HABP2: variants seen among roughly 807,000 people sequenced by gnomAD.
The protein encoded by HABP2 is hyaluronan binding protein 2.
A neutral mutation model predicts 66.5 loss-of-function variants in HABP2; 65 were observed. That is an observed-to-expected ratio of 0.98 (90% CI 0.80 to 1.20). The LOEUF (loss-of-function observed/expected upper bound fraction) is 1.20, where lower values mean the gene tolerates loss of function less well. Ranked by LOEUF, HABP2 falls within the 50% of genes most tolerant of loss-of-function variation. The probability of loss-of-function intolerance (pLI) is 0.00; values close to 1 mark genes in which losing one functional copy is unlikely to be tolerated. For synonymous variants in HABP2, 263 were observed against 253.9 expected, an observed-to-expected ratio of 1.04 and a Z score of -0.34; for missense variants, 786 against 691.0, an observed-to-expected ratio of 1.14 and a Z score of -1.54.
chr10:113,582,386 A>C lies in HABP2; in HGVS notation c.1094+255A>C, dbSNP rs545465702. ...GAAGACAAGCTGAGGAAGGTCAGGG[A>C]TTTTTATCTGTTTTATTAACTGTAG... On this transcript the variant is annotated intron_variant, in intron 9 of 12. Transcript: ENST00000351270. Among the ~76,000 whole-genome samples, 13 of 152,296 alleles carry C rather than the reference A, an allele frequency of 8.5e-5. No homozygotes were observed. In the South Asian group the frequency reaches 2.3e-3, roughly 27 times the overall value.
Position 113,584,596 on chromosome 10 carries a change from A to G in HABP2, c.1372+314A>G, listed in dbSNP as rs11196386. On this transcript the variant is annotated intron_variant, in intron 11 of 12. Transcript: ENST00000351270. The stretch of plus-strand genomic sequence containing the variant: ...AGATTGGAAAGAGGAAAGATCATGG[A>G]TTTTTGAGTCAGACAGACTGGTATT... 0.19 allele frequency among the ~76,000 whole-genome samples: 28,748 copies of G among 152,198 alleles called. 2,884 individuals carry two copies. Among genetic ancestry groups the G allele is most frequent in the Admixed American group, 0.29 (4,405 of 15,280 alleles).
At chr10:113,584,673 A>G (rs1177740519) in intron 11 of HABP2, among the ~76,000 whole-genome samples, 1 of 152,226 alleles carries the variant, frequency 6.6e-6, no homozygotes, top group Non-Finnish European at 1.5e-5. Context: ...CTCAATAATC[A>G]TACTTACTTC....
Position 113,573,094 on chromosome 10 carries a change from C to A in HABP2, c.107-1195C>A, listed in dbSNP as rs11575738. On this transcript the variant is annotated intron_variant, in intron 2 of 12. Transcript: ENST00000351270. ...GTCAGCTATCTGCATTTGCTCGCGC[C>A]TCATTATCATATGCATCTCTGGACA... Among the ~76,000 whole-genome samples, 1,282 of 152,292 alleles carry A rather than the reference C, an allele frequency of 8.4e-3. 27 individuals carry two copies. The highest frequency in any genetic ancestry group is 0.03 in the African/African-American group (1,227 of 41,546).
chr10:113,568,261 C>A (rs894066778), intron 2 of HABP2, among the ~76,000 whole-genome samples: 1 of 152,274 alleles, frequency 6.6e-6, no homozygotes, highest in African/African-American at 2.4e-5. Flanking sequence ...GCCACTCCAT[C>A]TGGCCAGAGG....
intron 12 of HABP2, among the ~76,000 whole-genome samples, chr10:113,587,635 A>G (rs1322301802): frequency 1.3e-5 from 2 of 152,118 alleles, no homozygotes; most frequent in African/African-American, 4.8e-5. Flanking sequence ...TCTTCTCCTC[A>G]CCATCATCAT....
At chr10:113,586,640 A>G (rs775602080) in intron 12 of HABP2, among the ~76,000 whole-genome samples, 1 of 152,068 alleles carries the variant, frequency 6.6e-6, no homozygotes, top group African/African-American at 2.4e-5. Context: ...CCCTGCCCCA[A>G]GTCAAAGCCC....
upstream of HABP2, among the ~76,000 whole-genome samples, chr10:113,552,027 T>C (rs1222247955): frequency 6.6e-6 from 1 of 152,084 alleles, no homozygotes; most frequent in Non-Finnish European, 1.5e-5. Flanking sequence ...CCTTCAAGGC[T>C]CATCTGGTGA....
chr10:113,575,354 A>C (rs1845389309), intron 3 of HABP2, among the ~76,000 whole-genome samples: 1 of 152,358 alleles, frequency 6.6e-6, no homozygotes, highest in Admixed American at 6.5e-5. Context: ...AGTTGAAGAA[A>C]GATGAAGGCC....
chr10:113,587,628 TCTC>T (rs1165452909), intron 12 of HABP2, among the ~76,000 whole-genome samples: 3 of 152,310 alleles, frequency 2.0e-5, no homozygotes, highest in Non-Finnish European at 2.9e-5. Flanking sequence ...AATGTCTTCT[TCTC>T]CTCACCATCA....
In HABP2 at chr10:113,577,384, C is replaced by A. The variant is rs534702377; in HGVS notation, c.448+118C>A. On this transcript the variant is annotated intron_variant, in intron 5 of 12. Transcript: ENST00000351270. ...TTTGTGGCAGGCACCCAAGATGGTC[C>A]TTTTCCCTAGGCTTTCTAAAGATTC... The A allele has an allele frequency of 2.7e-4, 185 of 696,056 alleles. No homozygotes were observed. In the African/African-American group the frequency reaches 3.1e-3, roughly 12 times the overall value. The allele number at this position is 696,056 out of a possible 1,614,324, so 43.1% of individuals were successfully genotyped here.
chr10:113,584,242 G>A lies in HABP2; in HGVS notation c.1332G>A (p.Gly444=). 1 of 1,614,000 alleles carries A rather than the reference G, an allele frequency of 6.2e-7. No homozygotes were observed. Among genetic ancestry groups the A allele is most frequent in the Non-Finnish European group, 8.5e-7 (1 of 1,179,838 alleles). ...TGCCTGATGGGTCCTTTCCCTCTGG[G>A]AGTGAGTGCCACATCTCTGGCTGGG... ...VCLPDGSFPS[G]SECHISGWGV... is the part of the protein sequence containing the mutation. Residue 444 remains glycine, a synonymous_variant, in exon 11 of 13, where the codon GGG becomes GGA. Coordinates refer to ENST00000351270, the MANE Select transcript of HABP2 (RefSeq NM_004132.5).
chr10:113,574,933 GTGTGTATGTGTGCATA>G (rs1845381895), intron 3 of HABP2, among the ~76,000 whole-genome samples: 1 of 152,100 alleles, frequency 6.6e-6, no homozygotes, highest in South Asian at 2.1e-4. Context: ...TAGATTGTGT[GTGTGTATGTGTGCATA>G]TGTGTGTGTG....
rs756712633 is a variant in HABP2, at chr10:113,581,917, A to G, written c.880A>G (p.Lys294Glu). 3 of 1,614,116 alleles carry G rather than the reference A, an allele frequency of 1.9e-6. No individual in the cohort carries two copies. The South Asian group carries it at 3.3e-5, about 18-fold the overall frequency. Residue 294 changes from lysine (K) to glutamate (E), a missense_variant, in exon 9 of 13, where the codon AAG becomes GAG. Coordinates refer to ENST00000351270, the MANE Select transcript of HABP2 (RefSeq NM_004132.5). The stretch of plus-strand genomic sequence containing the variant: ...GGAAAGCCCCACTGAGCCATCAACC[A>G]AGCTTCCGGGGTTTGACTCCTGTGG... ...PEESPTEPST[K>E]LPGFDSCGKT...
rs376983033 is a variant in HABP2, at chr10:113,588,419, C to T, written c.*50C>T. On this transcript the variant is annotated 3_prime_UTR_variant, in exon 13 of 13. Transcript: ENST00000351270. ...CCCACTCTCCTTGGCACCCTGACAC[C>T]GGGAGGCCTCATGGCCAACAATGGA... 1.1e-4 allele frequency: 161 copies of T among 1,474,236 alleles called. No individual in the cohort carries two copies. Among genetic ancestry groups the T allele is most frequent in the African/African-American group, 8.1e-4 (58 of 71,656 alleles). The allele number at this position is 1,474,236 out of a possible 1,614,324, so 91.3% of individuals were successfully genotyped here.
chr10:113,572,860 C>T (rs561697686), intron 2 of HABP2: 14 of 227,672 alleles, frequency 6.1e-5, no homozygotes, highest in Admixed American at 3.9e-4. Flanking sequence ...CCAGAGTTGG[C>T]GTATTCAAAA....
chr10:113,582,884 C>T (rs539440880), intron 9 of HABP2, among the ~76,000 whole-genome samples: 1 of 152,276 alleles, frequency 6.6e-6, no homozygotes, highest in South Asian at 2.1e-4. Flanking sequence ...AGGTGCTCCT[C>T]AAGAGAGGTC....
chr10:113,555,730 C>A (rs1385988919), intron 1 of HABP2, among the ~76,000 whole-genome samples: 4 of 152,166 alleles, frequency 2.6e-5, no homozygotes, highest in Non-Finnish European at 4.4e-5. Context: ...GAGCACCTGT[C>A]CAGCACAACC....
chr10:113,574,395 G>T lies in HABP2; in HGVS notation c.213G>T (p.Glu71Asp). ...HAENPDWYYT[E>D]DQADPCQPNP... ...AGAATCCTGACTGGTACTACACTGA[G>T]GACCAAGCTGGTAGGTACCAAATCT... Residue 71 changes from glutamate to aspartate, a missense_variant, in exon 3 of 13, where the codon GAG becomes GAT. By Grantham distance (45) the Glu-to-Asp change is conservative. Transcript: ENST00000351270. The T allele has an allele frequency of 2.0e-6, 3 of 1,505,354 alleles. No individual in the cohort carries two copies. Among genetic ancestry groups the T allele is most frequent in the Non-Finnish European group, 2.8e-6 (3 of 1,079,920 alleles). 93.2% of individuals were successfully genotyped at this position (1,505,354 alleles called of 1,614,324 possible). A position where few individuals can be genotyped will look rare whatever the true frequency, so the allele number is the denominator to read the frequency against.
Position 113,580,584 on chromosome 10 carries a change from TTG to T in HABP2, c.741-9_741-8del. 1 of 1,435,248 alleles carries T rather than the reference TTG, an allele frequency of 7.0e-7. No individual in the cohort carries two copies. Among genetic ancestry groups the T allele is most frequent in the Non-Finnish European group, 9.8e-7 (1 of 1,016,506 alleles). 88.9% of individuals were successfully genotyped at this position (1,435,248 alleles called of 1,614,324 possible). ...AGCCTTGACTCTGAGTTGTTTTGTTTTGTATTTTAGAAACCCAGATGCGGACG... is the reference window on the plus strand; with the variant it reads ...AGCCTTGACTCTGAGTTGTTTTGTTTTATTTTAGAAACCCAGATGCGGACG... On this transcript the variant is annotated splice_polypyrimidine_tract_variant and intron_variant, in intron 7 of 12. Coordinates refer to ENST00000351270, the MANE Select transcript of HABP2 (RefSeq NM_004132.5).
Sources: allele counts gnomAD v4.1 joint callset (sites outside exome capture counted in the v4.1 genomes callset), GRCh38; gene constraint gnomAD v4.1.1; transcripts MANE v1.5; gene names NCBI Gene and HGNC (gene_info 2026-07-23, HGNC 2026-07-21).